DCST2: variants seen among roughly 807,000 people sequenced by gnomAD.
DCST2 encodes DC-STAMP domain containing 2.
In DCST2, 64 loss-of-function variants were observed where a neutral mutation model predicts 81.8. The observed-to-expected ratio is 0.78, with a 90% CI of 0.64 to 0.96. The LOEUF (loss-of-function observed/expected upper bound fraction) is 0.96, where lower values mean the gene tolerates loss of function less well. DCST2 is among the 40% of genes least tolerant of loss of function. The probability of loss-of-function intolerance (pLI) is 0.00; values close to 1 mark genes in which losing one functional copy is unlikely to be tolerated. For missense variants in DCST2, 945 were observed against 1,001.4 expected, an observed-to-expected ratio of 0.94 and a Z score of 0.76; for synonymous variants, 354 against 402.6, an observed-to-expected ratio of 0.88 and a Z score of 1.44.
chr1:155,018,831 C>T, intron 14 of DCST2, 71 bp from the exon 15 acceptor site: 1 of 1,460,726 alleles, frequency 6.8e-7, no homozygotes, highest in Non-Finnish European at 9.3e-7. Context: ...CTGCCCCCTG[C>T]CCTGCCCCAT....
chr1:155,033,291 A>G, intron 1 of DCST2, 27 bp from the exon 2 acceptor site: 1 of 1,600,240 alleles, frequency 6.2e-7, no homozygotes, highest in Non-Finnish European at 8.5e-7. Context: ...TGTTAGAACC[A>G]AGACCCCAGC....
chr1:155,022,376 T>G (rs1659780422), intron 14 of DCST2, among the ~76,000 whole-genome samples: 1 of 152,064 alleles, frequency 6.6e-6, no homozygotes. Context: ...AGGCCTCCCC[T>G]TGGAATGCTT....
intron 7 of DCST2, 120 bp downstream of exon 7, chr1:155,029,963 TG>T: frequency 1.4e-6 from 2 of 1,442,450 alleles, no homozygotes; most frequent in Non-Finnish European, 1.9e-6. Context: ...CTCCTCCCTC[TG>T]GCCCCTGCCC....
chr1:155,031,061 A>G, intron 5 of DCST2, 108 bp downstream of exon 5: 1 of 1,216,866 alleles, frequency 8.2e-7, no homozygotes, highest in Non-Finnish European at 1.1e-6. Flanking sequence ...TCTTTCTCTT[A>G]CATTCTCCTT....
chr1:155,024,697 C>T, intron 10 of DCST2, 95 bp from the exon 11 acceptor site: 1 of 1,337,444 alleles, frequency 7.5e-7, no homozygotes, highest in South Asian at 2.0e-5. Flanking sequence ...TCCTTCTATC[C>T]AACTCCTATG....
intron 4 of DCST2, 59 bp downstream of exon 4, chr1:155,031,515 T>TTCCCCCCCCCCCC: frequency 4.7e-6 from 3 of 643,124 alleles, no homozygotes; most frequent in South Asian, 1.4e-5. Context: ...ACCCCCACAT[T>TTCCCCCCCCCCCC]CCCACCCCAC....
At chr1:155,021,891 TCA>T (rs1386739813) in intron 14 of DCST2, among the ~76,000 whole-genome samples, 1 of 149,616 alleles carries the variant, frequency 6.7e-6, no homozygotes, top group Non-Finnish European at 1.5e-5. Context: ...AGACTGAGTC[TCA>T]CTCTATCATC....
intron 4 of DCST2, 59 bp downstream of exon 4, chr1:155,031,515 T>TCCCCCCCCCCCC: frequency 1.6e-6 from 1 of 643,124 alleles, no homozygotes; most frequent in Non-Finnish European, 2.9e-6. Flanking sequence ...ACCCCCACAT[T>TCCCCCCCCCCCC]CCCACCCCAC....
At position 155,026,719 on chromosome 1, in the gene DCST2, GCA is replaced by G. The variant is rs1659922725; in HGVS notation, c.1343-6_1343-5del. On this transcript the variant is annotated splice_polypyrimidine_tract_variant and splice_region_variant and intron_variant, in intron 8 of 14. Coordinates refer to ENST00000368424, the MANE Select transcript of DCST2 (RefSeq NM_144622.3). ...GTTAGAGACACCAACACAGGACCTG[GCA>G]CAAAGACACTGTGTGAGTGACACTC... 2 of 1,613,942 alleles carry G rather than the reference GCA, an allele frequency of 1.2e-6. No homozygotes were observed. The highest frequency in any genetic ancestry group is 2.7e-5 in the African/African-American group (2 of 74,928).
Position 155,030,644 on chromosome 1 carries a change from G to A in DCST2, c.807C>T (p.Pro269=), listed in dbSNP as rs1411618270. 9.9e-6 allele frequency: 16 copies of A among 1,613,902 alleles called. No homozygotes were observed. The highest frequency in any genetic ancestry group is 2.7e-5 in the African/African-American group (2 of 74,908). Residue 269 remains proline (P), a splice_region_variant and synonymous_variant, in exon 6 of 15, where the codon CCC becomes CCT. Coordinates refer to ENST00000368424, the MANE Select transcript of DCST2 (RefSeq NM_144622.3). Reference sequence around the variant, plus strand: ...GCACCCGGTTGAGCAACTGAATCACGGCTGGGGCCAGCAGGTTCAGGGGAG... The same window carrying A: ...GCACCCGGTTGAGCAACTGAATCACAGCTGGGGCCAGCAGGTTCAGGGGAG... ...QPFLRQTIGT[P]VIQLLNRVRQ... is the part of the protein sequence containing the mutation.
chr1:155,033,090 T>A lies in DCST2; in HGVS notation c.439+4A>T. ...GGAGACAGTGGTAGAGGTGGGGGAC[T>A]TACTGACAAGAGGTTGCTTGGCCCT... is the stretch of plus-strand genomic sequence containing the variant. On this transcript the variant is annotated splice_donor_region_variant and intron_variant, in intron 2 of 14. Coordinates refer to ENST00000368424, the MANE Select transcript of DCST2 (RefSeq NM_144622.3). The A allele has an allele frequency of 1.0e-5, 16 of 1,561,076 alleles. No individual in the cohort carries two copies. Among genetic ancestry groups the A allele is most frequent in the Non-Finnish European group, 1.3e-5 (15 of 1,153,446 alleles).
Position 155,033,256 on chromosome 1 carries a change from G to T in DCST2, c.277C>A (p.Arg93=), listed in dbSNP as rs373815194. Residue 93 remains arginine, a synonymous_variant, in exon 2 of 15, where the codon CGG becomes AGG. Coordinates refer to ENST00000368424, the MANE Select transcript of DCST2 (RefSeq NM_144622.3). ...LLPQAFSRQG[R]TLLLVAAFGL... ...AAAGCAGCCACCAACAGTAGTGTCC[G>T]GCCCTGCCCTGGGGGCGACAGCTTT... 1.9e-6 allele frequency: 3 copies of T among 1,609,728 alleles called. No individual in the cohort carries two copies. Among genetic ancestry groups the T allele is most frequent in the Admixed American group, 3.4e-5 (2 of 58,814 alleles).
chr1:155,032,857 G>T (rs368556468), intron 2 of DCST2, 89 bp from the exon 3 acceptor site: 16 of 1,283,232 alleles, frequency 1.2e-5, no homozygotes, highest in African/African-American at 4.4e-5. Flanking sequence ...GTAGAGAGGA[G>T]GCCACCATTT....
At chr1:155,032,978 C>G in intron 2 of DCST2, 116 bp downstream of exon 2, 1 of 1,248,178 alleles carries the variant, frequency 8.0e-7, no homozygotes, top group Non-Finnish European at 1.1e-6. Flanking sequence ...CCCTTCCAGG[C>G]CCAGATGCTC....
In DCST2 at chr1:155,023,366, C is replaced by T. The variant is rs1558098037; in HGVS notation, c.1962G>A (p.Glu654=). ...CCCCATGTCACTGAAAGACTCACAG[C>T]TCCAGGTCCAGGTCCCCCTGGTAGG... The part of the protein sequence containing the change: ...PLSYQGDLDL[E]LDSSDEEGPQ... The change falls in exon 13 of 15, where the codon GAG becomes GAA. Residue 654 remains glutamate (E), a splice_region_variant and synonymous_variant. Transcript: ENST00000368424. 2 of 1,609,134 alleles carry T rather than the reference C, an allele frequency of 1.2e-6. No homozygotes were observed. Among genetic ancestry groups the T allele is most frequent in the Non-Finnish European group, 1.7e-6 (2 of 1,177,660 alleles).
At chr1:155,030,282 C>A in intron 6 of DCST2, 41 bp from the exon 7 acceptor site, 1 of 1,612,568 alleles carries the variant, frequency 6.2e-7, no homozygotes, top group African/African-American at 1.3e-5. Context: ...CCCCTTAGGA[C>A]CCCAGGCCAG....
intron 14 of DCST2, among the ~76,000 whole-genome samples, chr1:155,019,678 C>A (rs1260141767): frequency 6.6e-6 from 1 of 152,232 alleles, no homozygotes; most frequent in African/African-American, 2.4e-5. Context: ...ACCAAAGACA[C>A]CTCAATTCTC....
chr1:155,030,280 G>T, intron 6 of DCST2, 39 bp from the exon 7 acceptor site: 1 of 1,613,120 alleles, frequency 6.2e-7, no homozygotes, highest in South Asian at 1.1e-5. Flanking sequence ...GGCCCCTTAG[G>T]ACCCCAGGCC....
chr1:155,031,356 A>C (rs1327708219), intron 4 of DCST2, 122 bp from the exon 5 acceptor site: 31 of 1,143,170 alleles, frequency 2.7e-5, no homozygotes, highest in Non-Finnish European at 3.6e-5. Context: ...ACATTTGCTC[A>C]AAACCTTGTA....
Sources: allele counts gnomAD v4.1 joint callset (sites outside exome capture counted in the v4.1 genomes callset), GRCh38; gene constraint gnomAD v4.1.1; transcripts MANE v1.5; gene names NCBI Gene and HGNC (gene_info 2026-07-23, HGNC 2026-07-21).